C3orf33: variants seen among roughly 807,000 people sequenced by gnomAD.
The protein encoded by C3orf33 is AP-1 activity suppressor.
A neutral mutation model predicts 28.7 loss-of-function variants in C3orf33; 23 were observed. The observed-to-expected ratio is 0.80, with a 90% confidence interval of 0.58 to 1.13. The LOEUF (loss-of-function observed/expected upper bound fraction) is 1.13, where lower values mean the gene tolerates loss of function less well. C3orf33 is among the 50% of genes most tolerant of loss of function. The pLI is 0.00. For synonymous variants in C3orf33, 119 were observed against 120.5 expected, an observed-to-expected ratio of 0.99 and a Z score of 0.08; for missense variants, 327 against 353.4, an observed-to-expected ratio of 0.93 and a Z score of 0.60.
At chr3:155,781,099 G>A (rs372832203) in intron 2 of C3orf33, among the ~76,000 whole-genome samples, 14 of 151,422 alleles carry the variant, frequency 9.2e-5, no homozygotes, top group East Asian at 3.9e-4. Flanking sequence ...CCGGGTTCAC[G>A]CCATTCTCCT....
intron 2 of C3orf33, among the ~76,000 whole-genome samples, chr3:155,778,141 CAAAAAAAAAAA>C (rs55700532): frequency 4.0e-4 from 30 of 75,768 alleles, no homozygotes; most frequent in African/African-American, 1.4e-3. Flanking sequence ...AACTCCATTT[CAAAAAAAAAAA>C]AAAAAAAAAA....
At chr3:155,782,037 C>A (rs909913967) in intron 2 of C3orf33, among the ~76,000 whole-genome samples, 4 of 151,834 alleles carry the variant, frequency 2.6e-5, no homozygotes, top group African/African-American at 4.8e-5. Context: ...CATGGCGAAA[C>A]CCCATCTCTA....
chr3:155,789,337 T>A (rs1223750536), intron 2 of C3orf33, among the ~76,000 whole-genome samples: 2 of 123,522 alleles, frequency 1.6e-5, no homozygotes, highest in Admixed American at 8.2e-5. Context: ...AGAGTGAGAC[T>A]CTGTCTCAAA....
intron 2 of C3orf33, among the ~76,000 whole-genome samples, chr3:155,788,201 AGGAT>A (rs1577429027): frequency 1.3e-5 from 2 of 150,940 alleles, no homozygotes; most frequent in African/African-American, 2.4e-5. Context: ...AAAAAAAAAA[AGGAT>A]AAAATAAAAA....
chr3:155,785,796 T>C (rs1751081583), intron 2 of C3orf33, among the ~76,000 whole-genome samples: 2 of 152,186 alleles, frequency 1.3e-5, no homozygotes, highest in Admixed American at 6.5e-5. Context: ...CCCAGCACTT[T>C]GGGAGGTCTA....
intron 2 of C3orf33, among the ~76,000 whole-genome samples, chr3:155,796,702 G>A (rs911435022): frequency 2.6e-5 from 4 of 152,020 alleles, no homozygotes; most frequent in African/African-American, 9.7e-5. Flanking sequence ...ACCAAAACCA[G>A]ACAAAGACAC....
At chr3:155,788,646 A>G (rs1020875628) in intron 2 of C3orf33, among the ~76,000 whole-genome samples, 4 of 151,492 alleles carry the variant, frequency 2.6e-5, no homozygotes, top group African/African-American at 9.7e-5. Context: ...CGCAGCCACC[A>G]CACTCCAGTC....
chr3:155,777,256 G>A (rs1177866485), intron 2 of C3orf33, among the ~76,000 whole-genome samples: 2 of 151,850 alleles, frequency 1.3e-5, no homozygotes, highest in South Asian at 2.1e-4. Flanking sequence ...GGAGGTTGCA[G>A]TGAGCCAAGA....
chr3:155,763,987 A>G, intron 4 of C3orf33, 69 bp from the exon 5 acceptor site: 1 of 1,147,396 alleles, frequency 8.7e-7, no homozygotes. Context: ...CATCTTATTT[A>G]CCTTAAAAAT....
At chr3:155,802,658 G>A in intron 1 of C3orf33, 67 bp from the exon 2 acceptor site, 1 of 1,234,390 alleles carries the variant, frequency 8.1e-7, no homozygotes, top group Admixed American at 2.4e-5. Context: ...GCACTAATTA[G>A]AAGGTAGAAA....
At chr3:155,781,880 T>C (rs1353618466) in intron 2 of C3orf33, among the ~76,000 whole-genome samples, 1 of 148,842 alleles carries the variant, frequency 6.7e-6, no homozygotes, top group Non-Finnish European at 1.5e-5. Flanking sequence ...ATCAAGACCA[T>C]CCTGGCTAAC....
chr3:155,791,647 G>A (rs1483296425), intron 2 of C3orf33, among the ~76,000 whole-genome samples: 1 of 151,984 alleles, frequency 6.6e-6, no homozygotes, highest in East Asian at 1.9e-4. Context: ...CAAGCTGACT[G>A]AAGAACCCTC....
chr3:155,776,086 AAC>A (rs1750739029), intron 2 of C3orf33, among the ~76,000 whole-genome samples: 1 of 152,194 alleles, frequency 6.6e-6, no homozygotes, highest in Non-Finnish European at 1.5e-5. Flanking sequence ...ACAGACTCCT[AAC>A]TTCTAAAAGC....
chr3:155,797,241 T>C (rs930262583), intron 2 of C3orf33, among the ~76,000 whole-genome samples: 3 of 152,114 alleles, frequency 2.0e-5, no homozygotes, highest in Admixed American at 6.6e-5. Flanking sequence ...TGAAAAAGCA[T>C]TGGATAAAAT....
chr3:155,763,700 T>C lies in C3orf33; in HGVS notation c.702A>G (p.Arg234=). The C allele has an allele frequency of 6.3e-7, 1 of 1,593,720 alleles. No individual in the cohort carries two copies. The highest frequency in any genetic ancestry group is 1.4e-5 in the African/African-American group (1 of 73,568). Residue 234 remains arginine (R), a synonymous_variant, in exon 5 of 5, where the codon AGA becomes AGG. Transcript: ENST00000340171. The part of the protein sequence containing the change: ...SYLEKFKDSW[R]EIWKKDSFLK... ...AAAAACTGTCCTTTTTCCATATTTC[T>C]CTCCAGGAATCTTTGAATTTTTCTA... is the stretch of plus-strand genomic sequence containing the variant.
intron 2 of C3orf33, among the ~76,000 whole-genome samples, chr3:155,788,149 C>T (rs1360764989): frequency 6.6e-6 from 1 of 151,366 alleles, no homozygotes; most frequent in Non-Finnish European, 1.5e-5. Context: ...CGAGATTGTG[C>T]CACTGCACTC....
chr3:155,787,693 T>G (rs1751170188), intron 2 of C3orf33, among the ~76,000 whole-genome samples: 1 of 151,046 alleles, frequency 6.6e-6, no homozygotes, highest in Admixed American at 6.6e-5. Context: ...TTTTTTTTTT[T>G]TGTAGAGATG....
chr3:155,787,807 C>G (rs1167998909), intron 2 of C3orf33, among the ~76,000 whole-genome samples: 2 of 151,962 alleles, frequency 1.3e-5, no homozygotes, highest in Admixed American at 6.6e-5. Context: ...AGCCACCACA[C>G]ACAGTCTTTC....
intron 2 of C3orf33, among the ~76,000 whole-genome samples, chr3:155,800,965 T>A (rs918071964): frequency 6.6e-6 from 1 of 152,126 alleles, no homozygotes; most frequent in South Asian, 2.1e-4. Flanking sequence ...TTGAAACTCT[T>A]GTGCATTGTT....
Sources: gnomAD v4.1 joint callset for allele counts (sites outside exome capture counted in the v4.1 genomes callset) on GRCh38, gnomAD v4.1.1 for gene constraint, MANE v1.5 for transcripts, NCBI Gene and HGNC (gene_info 2026-07-23, HGNC 2026-07-21) for gene names.